Variants in PGBD2 observed in about 807,000 individuals in gnomAD.
PGBD2 encodes piggyBac transposable element-derived protein 2.
Under a neutral mutation model 8.1 loss-of-function variants are expected in PGBD2, and 6 were observed. That is an observed-to-expected ratio of 0.74 (90% CI 0.40 to 1.46). The LOEUF (loss-of-function observed/expected upper bound fraction) is 1.46. PGBD2 is among the 40% of genes most tolerant of loss of function. PGBD2 has a pLI of 0.02. For synonymous variants in PGBD2, 318 were observed against 272.2 expected, an observed-to-expected ratio of 1.17 and a Z score of -1.66; for missense variants, 802 against 739.0, an observed-to-expected ratio of 1.09 and a Z score of -0.99.
chr1:248,921,473 C>G (rs189465784), downstream of PGBD2, among the ~76,000 whole-genome samples: 227 of 152,272 alleles, frequency 1.5e-3, 1 homozygote, highest in African/African-American at 5.4e-3. Context: ...TCTGAGGTCT[C>G]TATTCTGTTC....
the PGBD2 span, among the ~76,000 whole-genome samples, chr1:248,894,039 C>T: frequency 2.6e-5 from 4 of 152,150 alleles, no homozygotes; most frequent in African/African-American, 9.6e-5. Context: ...CTGGCCCTGG[C>T]CATTTGTAGG....
the PGBD2 span, among the ~76,000 whole-genome samples, chr1:248,900,355 G>A: frequency 6.6e-6 from 1 of 152,144 alleles, no homozygotes; most frequent in Admixed American, 6.5e-5. Flanking sequence ...TAAAATACTG[G>A]CAAGCTGAAT....
At chr1:248,893,401 C>G in the PGBD2 span, among the ~76,000 whole-genome samples, 16 of 150,930 alleles carry the variant, frequency 1.1e-4, no homozygotes, top group Non-Finnish European at 2.4e-4. Context: ...CTCCTGGTAA[C>G]CAGGATTCTA....
rs993840258 is a variant in PGBD2, at chr1:248,918,616, T to C, written c.*253T>C. On this transcript the variant is annotated 3_prime_UTR_variant, in exon 3 of 3. Transcript: ENST00000329291. Reference sequence around the variant, plus strand: ...ATTTATTTAAAGTTATGGATCACTTTTTATTCAAATAAAAGTTGTGCTTTG... The same window carrying C: ...ATTTATTTAAAGTTATGGATCACTTCTTATTCAAATAAAAGTTGTGCTTTG... 5.1e-6 allele frequency: 1 copy of C among 196,284 alleles called. No individual in the cohort carries two copies. The highest frequency in any genetic ancestry group is 1.1e-5 in the Non-Finnish European group (1 of 88,714). The allele number at this position is 196,284 out of a possible 1,614,324, so 12.2% of individuals were successfully genotyped here.
chr1:248,908,025 T>C (rs945176668), intron 1 of PGBD2, among the ~76,000 whole-genome samples: 3 of 152,200 alleles, frequency 2.0e-5, no homozygotes, highest in African/African-American at 7.2e-5. Flanking sequence ...AAAATTCCCA[T>C]GTACGGTTCG....
the PGBD2 span, among the ~76,000 whole-genome samples, chr1:248,875,765 G>C: frequency 6.6e-6 from 1 of 152,134 alleles, no homozygotes; most frequent in Non-Finnish European, 1.5e-5. Flanking sequence ...ATGCACGTTT[G>C]TGTTTTCCAC....
chr1:248,880,997 C>A, the PGBD2 span, among the ~76,000 whole-genome samples: 1 of 152,022 alleles, frequency 6.6e-6, no homozygotes, highest in East Asian at 1.9e-4. Context: ...TGTCTCCCAC[C>A]AGGTTACTTA....
chr1:248,909,210 G>A (rs1220756775), intron 1 of PGBD2, among the ~76,000 whole-genome samples: 3 of 152,146 alleles, frequency 2.0e-5, no homozygotes, highest in Non-Finnish European at 4.4e-5. Flanking sequence ...AGATGGAGGA[G>A]CCACATGTGA....
intron 2 of PGBD2, among the ~76,000 whole-genome samples, chr1:248,915,258 G>C (rs758562767): frequency 3.9e-5 from 6 of 152,224 alleles, no homozygotes; most frequent in Non-Finnish European, 8.8e-5. Context: ...CCTGCTCACT[G>C]TCTGTGCTCA....
In PGBD2 at chr1:248,917,544, A is replaced by G. The variant is rs1662150411; in HGVS notation, c.960A>G (p.Pro320=). The change falls in exon 3 of 3, where the codon CCA becomes CCG. Residue 320 remains proline, a synonymous_variant. Transcript: ENST00000329291. ...EPSQGTLFTK[P]DRSLDLGGSM... ...CACAGGGCACACTGTTTACCAAGCCAGACAGGAGCTTGGATCTAGGAGGCA... is the reference window on the plus strand; with the variant it reads ...CACAGGGCACACTGTTTACCAAGCCGGACAGGAGCTTGGATCTAGGAGGCA... The G allele has an allele frequency of 1.9e-6, 3 of 1,614,116 alleles. No individual in the cohort carries two copies. The highest frequency in any genetic ancestry group is 2.5e-6 in the Non-Finnish European group (3 of 1,180,054).
At chr1:248,889,722 G>A in the PGBD2 span, among the ~76,000 whole-genome samples, 1 of 152,134 alleles carries the variant, frequency 6.6e-6, no homozygotes. Flanking sequence ...CAGTAAAACA[G>A]TGGGCCTTAA....
the PGBD2 span, among the ~76,000 whole-genome samples, chr1:248,874,478 G>A: frequency 1.2e-3 from 187 of 152,290 alleles, no homozygotes; most frequent in Middle Eastern, 3.4e-3. Flanking sequence ...TATGCGCGCC[G>A]TATATGTAGT....
At chr1:248,885,505 G>C in the PGBD2 span, among the ~76,000 whole-genome samples, 1 of 152,022 alleles carries the variant, frequency 6.6e-6, no homozygotes, top group Admixed American at 6.6e-5. Flanking sequence ...GTACCCAACA[G>C]AGCCACAATT....
At chr1:248,927,739 A>C in the PGBD2 span, among the ~76,000 whole-genome samples, 1 of 152,194 alleles carries the variant, frequency 6.6e-6, no homozygotes, top group Non-Finnish European at 1.5e-5. Context: ...TCTTGTTTTA[A>C]ATGGTAGAGT....
the PGBD2 span, among the ~76,000 whole-genome samples, chr1:248,882,779 G>A: frequency 6.6e-6 from 1 of 152,158 alleles, no homozygotes; most frequent in Non-Finnish European, 1.5e-5. Context: ...CTCTGCAGGG[G>A]GAAGCACATC....
At chr1:248,908,321 T>G (rs559396402) in intron 1 of PGBD2, among the ~76,000 whole-genome samples, 1 of 152,274 alleles carries the variant, frequency 6.6e-6, no homozygotes, top group African/African-American at 2.4e-5. Context: ...GCCAGTTCAG[T>G]TGAGAATGCC....
intron 1 of PGBD2, among the ~76,000 whole-genome samples, chr1:248,910,942 C>T (rs1304584440): frequency 2.0e-5 from 3 of 152,022 alleles, no homozygotes; most frequent in Non-Finnish European, 2.9e-5. Context: ...GTGACCACAC[C>T]GTGAAACCAC....
chr1:248,904,031 A>C (rs1661578033), upstream of PGBD2, among the ~76,000 whole-genome samples: 1 of 152,026 alleles, frequency 6.6e-6, no homozygotes, highest in African/African-American at 2.4e-5. Context: ...TAAATTAATA[A>C]ATATATAAGT....
At chr1:248,915,995 C>T (rs926203451) in intron 2 of PGBD2, among the ~76,000 whole-genome samples, 2 of 152,180 alleles carry the variant, frequency 1.3e-5, no homozygotes, top group South Asian at 4.1e-4. Flanking sequence ...GGGGTGATGA[C>T]AGCAGCATCT....
Sources: gnomAD v4.1 joint callset for allele counts (sites outside exome capture counted in the v4.1 genomes callset) on GRCh38, gnomAD v4.1.1 for gene constraint, MANE v1.5 for transcripts, NCBI Gene and HGNC (gene_info 2026-07-23, HGNC 2026-07-21) for gene names.